The following LRP2 variants were observed in gnomAD, a reference collection of about 807,000 sequenced individuals.
The protein encoded by LRP2 is LDL receptor related protein 2.
Under a neutral mutation model 531.0 loss-of-function variants are expected in LRP2, and 172 were observed. That is an observed-to-expected ratio of 0.32 (90% CI 0.29 to 0.37). The LOEUF is 0.37. Ranked by LOEUF, LRP2 falls within the 10% of genes least tolerant of loss-of-function variation. LRP2 has a pLI of 1.00. For synonymous variants in LRP2, 1,992 were observed against 2,027.6 expected (o/e 0.98, Z 0.47); for missense variants, 5,167 against 5,868.3 (o/e 0.88, Z 3.90).
At chr2:169,153,371 T>C (rs1204951482) in intron 66 of LRP2, among the ~76,000 whole-genome samples, 1 of 152,120 alleles carries the variant, frequency 6.6e-6, no homozygotes, top group Non-Finnish European at 1.5e-5. Flanking sequence ...CAACGAGAAG[T>C]CCTATTTTAT....
At position 169,362,506 on chromosome 2, in the gene LRP2, C is replaced by T; in HGVS notation, c.-107G>A. ...AGCGAACGCTCCTTTAGGTCTGCACCTCCGCCAGCTCCTAGTGGCCAAAAG... is the reference window on the plus strand; with the variant it reads ...AGCGAACGCTCCTTTAGGTCTGCACTTCCGCCAGCTCCTAGTGGCCAAAAG... On this transcript the variant is annotated 5_prime_UTR_variant, in exon 1 of 79. Coordinates refer to ENST00000649046, the MANE Select transcript of LRP2 (RefSeq NM_004525.3). 1 of 966,632 alleles carries T rather than the reference C, an allele frequency of 1.0e-6. No individual in the cohort carries two copies. Among genetic ancestry groups the T allele is most frequent in the Non-Finnish European group, 1.6e-6 (1 of 629,948 alleles). The allele number at this position is 966,632 out of a possible 1,614,324, so 59.9% of individuals were successfully genotyped here.
chr2:169,323,102 C>A (rs936811340), intron 1 of LRP2, among the ~76,000 whole-genome samples: 2 of 152,122 alleles, frequency 1.3e-5, no homozygotes, highest in Middle Eastern at 3.4e-3. Context: ...TAAAATCACA[C>A]ATATGAAAAA....
intron 13 of LRP2, among the ~76,000 whole-genome samples, chr2:169,276,245 T>C (rs1439715532): frequency 6.6e-6 from 1 of 152,172 alleles, no homozygotes; most frequent in African/African-American, 2.4e-5. Flanking sequence ...AAACCCTGAA[T>C]GCCACCTGCT....
chr2:169,320,658 T>G, intron 2 of LRP2, 119 bp downstream of exon 2: 1 of 804,084 alleles, frequency 1.2e-6, no homozygotes, highest in Non-Finnish European at 2.2e-6. Context: ...TCAAAAGACT[T>G]GGGCCCAGAC....
chr2:169,182,231 C>T lies in LRP2; in HGVS notation c.9934G>A (p.Val3312Met). ...GHRRMLAQHC[V>M]DANNTFCFDN... Reference sequence around the variant, plus strand: ...AAGCAGAAGGTGTTGTTGGCATCCACACAGTGCTGGGCCAGCATGCGGCGG... The same window carrying T: ...AAGCAGAAGGTGTTGTTGGCATCCATACAGTGCTGGGCCAGCATGCGGCGG... The change falls in exon 51 of 79, where the codon GTG becomes ATG. Residue 3312 changes from valine to methionine, a missense_variant. By Grantham distance (21) the Val-to-Met change is conservative. This residue lies in a region of LRP2 where 1,129 missense variants were observed against 1,362.7 expected (regional missense o/e 0.83). Transcript: ENST00000649046. 4.3e-6 allele frequency: 7 copies of T among 1,614,160 alleles called. No individual in the cohort carries two copies. Among genetic ancestry groups the T allele is most frequent in the Non-Finnish European group, 5.9e-6 (7 of 1,180,008 alleles).
chr2:169,177,770 C>G (rs748482549), intron 53 of LRP2, 33 bp downstream of exon 53: 1 of 1,582,420 alleles, frequency 6.3e-7, no homozygotes, highest in Non-Finnish European at 8.7e-7. Flanking sequence ...TAACCCAAGG[C>G]AACCTTGCCA....
intron 3 of LRP2, among the ~76,000 whole-genome samples, chr2:169,316,295 A>G (rs1399065319): frequency 6.6e-6 from 1 of 152,180 alleles, no homozygotes; most frequent in African/African-American, 2.4e-5. Flanking sequence ...AATAACCTCC[A>G]AGTTTCTAGC....
chr2:169,265,610 G>A (rs982982557), intron 16 of LRP2, among the ~76,000 whole-genome samples: 12 of 151,946 alleles, frequency 7.9e-5, no homozygotes, highest in African/African-American at 2.9e-4. Flanking sequence ...GACGTCACTA[G>A]AGCAATGTCT....
intron 51 of LRP2, 49 bp downstream of exon 51, chr2:169,182,118 G>T: frequency 6.2e-7 from 1 of 1,609,060 alleles, no homozygotes; most frequent in Non-Finnish European, 8.5e-7. Flanking sequence ...GGTAACAGAG[G>T]CAGAAGAAGG....
At chr2:169,211,844 T>G in intron 37 of LRP2, 124 bp downstream of exon 37, 3 of 1,344,442 alleles carry the variant, frequency 2.2e-6, no homozygotes, top group African/African-American at 1.4e-5. Context: ...GCCAGTTGAT[T>G]TAAAGGGAAA....
chr2:169,285,192 C>T (rs533041686), intron 9 of LRP2, among the ~76,000 whole-genome samples: 13 of 150,928 alleles, frequency 8.6e-5, no homozygotes, highest in Non-Finnish European at 1.8e-4. Flanking sequence ...CATGGAGGCA[C>T]GTGCCTGTAG....
Position 169,206,642 on chromosome 2 carries a change from G to A in LRP2, c.7078C>T (p.Leu2360=), listed in dbSNP as rs761055924. ...NGGCSHLCFA[L]PGLHTPKCDC... is the part of the protein sequence containing the mutation. The stretch of plus-strand genomic sequence containing the variant: ...CATTTTGGGGTGTGCAATCCAGGCA[G>A]AGCAAAGCAGAGATGAGAGCACCCA... The change falls in exon 39 of 79, where the codon CTG becomes TTG. Residue 2360 remains leucine (L), a synonymous_variant. Transcript: ENST00000649046. 6.2e-7 allele frequency: 1 copy of A among 1,614,156 alleles called. No homozygotes were observed. Among genetic ancestry groups the A allele is most frequent in the Non-Finnish European group, 8.5e-7 (1 of 1,180,022 alleles).
rs1006051851 is a variant in LRP2, at chr2:169,290,889, G to A, written c.878C>T (p.Pro293Leu). 1 of 1,613,926 alleles carries A rather than the reference G, an allele frequency of 6.2e-7. No individual in the cohort carries two copies. Among genetic ancestry groups the A allele is most frequent in the African/African-American group, 1.3e-5 (1 of 74,882 alleles). ...AGTGTTGTTTTCATCTTCTCTTCCT[G>A]GGCAATCTAAAATCCCATCACAAAC... ...YKVCDGILDC[P>L]GREDENNTST... Residue 293 changes from proline to leucine, a missense_variant, in exon 8 of 79, where the codon CCA becomes CTA. Pro to Leu is a moderately conservative substitution (Grantham distance 98, BLOSUM62 -3). Coordinates refer to ENST00000649046, the MANE Select transcript of LRP2 (RefSeq NM_004525.3).
intron 1 of LRP2, among the ~76,000 whole-genome samples, chr2:169,322,436 T>C (rs1332032727): frequency 6.6e-6 from 1 of 152,308 alleles, no homozygotes; most frequent in Admixed American, 6.5e-5. Context: ...ATACCTTCTA[T>C]AGACTAATGC....
At chr2:169,136,234 C>A (rs1432493261) in intron 76 of LRP2, among the ~76,000 whole-genome samples, 1 of 152,280 alleles carries the variant, frequency 6.6e-6, no homozygotes, top group Middle Eastern at 3.4e-3. Context: ...TTAATCTCTC[C>A]CACTCTAGGT....
At chr2:169,155,215 C>A (rs975417551) in intron 65 of LRP2, among the ~76,000 whole-genome samples, 1 of 152,202 alleles carries the variant, frequency 6.6e-6, no homozygotes, top group African/African-American at 2.4e-5. Context: ...AATTTACTTG[C>A]ATAATGTCAA....
At chr2:169,194,772 G>A (rs973674174) in intron 46 of LRP2, among the ~76,000 whole-genome samples, 2 of 147,752 alleles carry the variant, frequency 1.4e-5, no homozygotes, top group African/African-American at 2.5e-5. Context: ...CCAGGCTGGA[G>A]TGCAGTGGTG....
rs1685148129 is a variant in LRP2 at position 169,127,768 on chromosome 2, C to A, written c.*895G>T. On this transcript the variant is annotated 3_prime_UTR_variant, in exon 79 of 79. Transcript: ENST00000649046. ...TTAACTGGTATTTTTTTTTTTTGCACCTTATTTTATGAAGACACAGATTTG... is the reference window on the plus strand; with the variant it reads ...TTAACTGGTATTTTTTTTTTTTGCAACTTATTTTATGAAGACACAGATTTG... 2 of 147,310 alleles carry A rather than the reference C, an allele frequency of 1.4e-5. No homozygotes were observed. The highest frequency in any genetic ancestry group is 1.4e-4 in the Admixed American group (2 of 14,734). 9.1% of individuals were successfully genotyped at this position (147,310 alleles called of 1,614,324 possible).
intron 1 of LRP2, among the ~76,000 whole-genome samples, chr2:169,328,303 C>T (rs1465673151): frequency 3.6e-5 from 5 of 137,720 alleles, no homozygotes; most frequent in Non-Finnish European, 3.2e-5. Flanking sequence ...GTCAGCCCCC[C>T]GCCCGGCCAG....
Sources: gnomAD v4.1 joint callset for allele counts (sites outside exome capture counted in the v4.1 genomes callset) on GRCh38, gnomAD v4.1.1 for gene constraint, gnomAD v4.1.1 regional missense constraint, MANE v1.5 for transcripts, NCBI Gene and HGNC (gene_info 2026-07-23, HGNC 2026-07-21) for gene names.